ARHGEF9: variants seen among roughly 807,000 people sequenced by gnomAD.
ARHGEF9 encodes rho guanine nucleotide exchange factor 9.
In ARHGEF9, 2 loss-of-function variants were observed where a neutral mutation model predicts 41.3. That is an observed-to-expected ratio of 0.05 (90% CI 0.02 to 0.15). The LOEUF is 0.15. Ranked by LOEUF, ARHGEF9 falls within the 10% of genes least tolerant of loss-of-function variation. ARHGEF9 has a pLI of 1.00. For missense variants in ARHGEF9, 225 were observed against 424.7 expected (o/e 0.53, Z 4.13); for synonymous variants, 160 against 154.4 (o/e 1.04, Z -0.27).
chrX:63,650,097 C>A (rs1310160026), intron 8 of ARHGEF9, among the ~76,000 whole-genome samples: 1 of 110,794 alleles, frequency 9.0e-6, no homozygotes, highest in Non-Finnish European at 1.9e-5. Flanking sequence ...ATTAGTACAG[C>A]CATTATAGAA....
intron 1 of ARHGEF9, among the ~76,000 whole-genome samples, chrX:63,782,199 T>C (rs2056393190): frequency 1.8e-5 from 2 of 111,945 alleles, no homozygotes; most frequent in South Asian, 7.5e-4. Flanking sequence ...CCCCTGAACT[T>C]AGATCAGTGT....
intron 5 of ARHGEF9, among the ~76,000 whole-genome samples, chrX:63,676,723 T>C (rs1372201445): frequency 2.7e-5 from 3 of 112,176 alleles, no homozygotes; most frequent in African/African-American, 9.7e-5. Flanking sequence ...TTTGAGGAGA[T>C]CAGTGCTCTA....
At chrX:63,649,156 C>G (rs2048356199) in intron 8 of ARHGEF9, among the ~76,000 whole-genome samples, 1 of 111,912 alleles carries the variant, frequency 8.9e-6, no homozygotes, top group South Asian at 3.7e-4. Flanking sequence ...ACATTCTTCT[C>G]AGCACCACAC....
intron 5 of ARHGEF9, among the ~76,000 whole-genome samples, chrX:63,677,160 C>T (rs1556363231): frequency 8.9e-6 from 1 of 111,981 alleles, no homozygotes; most frequent in African/African-American, 3.2e-5. Context: ...CAGCCTAACC[C>T]TGGTCAAAGC....
At chrX:63,698,132 TAA>T (rs1556391002) in intron 3 of ARHGEF9, among the ~76,000 whole-genome samples, 1 of 106,291 alleles carries the variant, frequency 9.4e-6, no homozygotes, top group Non-Finnish European at 1.9e-5. Context: ...TATAAATTTA[TAA>T]ATATATCATA....
At position 63,706,441 on chromosome X, in the gene ARHGEF9, C is replaced by T. The variant is rs1556402227; in HGVS notation, c.219G>A (p.Val73=). Residue 73 remains valine, a synonymous_variant, in exon 3 of 10, where the codon GTG becomes GTA. Coordinates refer to ENST00000671741, the MANE Select transcript of ARHGEF9 (RefSeq NM_001353921.2). ...CCTCCTCCACCTCATCCTCCTGGTT[C>T]ACCCAGAGCTGTGGAAGCAGGCAAA... is the stretch of plus-strand genomic sequence containing the variant. The part of the protein sequence containing the change: ...WFPASFVRLW[V]NQEDEVEEGP... The T allele has an allele frequency of 1.7e-6, 2 of 1,206,141 alleles. No homozygotes were observed. The highest frequency in any genetic ancestry group is 1.7e-5 in the African/African-American group (1 of 57,548).
intron 1 of ARHGEF9, among the ~76,000 whole-genome samples, chrX:63,773,576 A>G (rs2056238980): frequency 8.9e-6 from 1 of 112,357 alleles, no homozygotes; most frequent in South Asian, 3.7e-4. Flanking sequence ...AGCAAGGGCT[A>G]TGTGATAGTT....
At chrX:63,645,733 G>A (rs2048001095) in intron 8 of ARHGEF9, among the ~76,000 whole-genome samples, 1 of 111,566 alleles carries the variant, frequency 9.0e-6, no homozygotes, top group Non-Finnish European at 1.9e-5. Context: ...TAACCCTTTG[G>A]GTATATACCC....
At chrX:63,739,893 C>A (rs1334784258) in intron 1 of ARHGEF9, among the ~76,000 whole-genome samples, 2 of 112,092 alleles carry the variant, frequency 1.8e-5, no homozygotes, top group East Asian at 2.8e-4. Context: ...ATTCCACAGA[C>A]CAGAAAACTG....
intron 1 of ARHGEF9, among the ~76,000 whole-genome samples, chrX:63,769,552 C>T (rs782101603): frequency 1.5e-4 from 17 of 112,166 alleles, no homozygotes; most frequent in Non-Finnish European, 1.9e-4. Flanking sequence ...GTCTCCAGGG[C>T]ATGTCAAAGG....
intron 2 of ARHGEF9, among the ~76,000 whole-genome samples, chrX:63,720,216 A>G (rs1373154895): frequency 1.2e-4 from 14 of 112,019 alleles, no homozygotes; most frequent in Admixed American, 3.8e-4. Flanking sequence ...AAAACCAGGA[A>G]AGTAGTATTG....
At chrX:63,688,200 G>T (rs1438643925) in intron 4 of ARHGEF9, among the ~76,000 whole-genome samples, 1 of 110,219 alleles carries the variant, frequency 9.1e-6, no homozygotes, top group Non-Finnish European at 1.9e-5. Context: ...AGGAGGGAGG[G>T]GGGCAACATA....
chrX:63,722,415 T>G (rs1324738812), intron 2 of ARHGEF9, among the ~76,000 whole-genome samples: 30 of 108,210 alleles, frequency 2.8e-4, no homozygotes, highest in South Asian at 4.2e-4. Context: ...TTTTTGTTTT[T>G]TTTTTTTTTT....
rs1407888781 is a variant in ARHGEF9 at position 63,637,844 on chromosome X, CTCTGTG to C, written c.*178_*183del. On this transcript the variant is annotated 3_prime_UTR_variant, in exon 10 of 10. Transcript: ENST00000671741. The stretch of plus-strand genomic sequence containing the variant: ...CAGAAAACACTTTTGTTCCTTATCT[CTCTGTG>C]TGTGTGTGTGTGTGTGTGTGTGTGT... 1.7e-5 allele frequency: 6 copies of C among 343,536 alleles called. No individual in the cohort carries two copies. The highest frequency in any genetic ancestry group is 1.6e-4 in the African/African-American group (4 of 24,729). The allele number at this position is 343,536 out of a possible 1,213,427, so 28.3% of individuals were successfully genotyped here.
intron 4 of ARHGEF9, among the ~76,000 whole-genome samples, chrX:63,684,499 C>T (rs1364875009): frequency 9.0e-6 from 1 of 110,891 alleles, no homozygotes; most frequent in African/African-American, 3.3e-5. Flanking sequence ...ATAGAATTAT[C>T]AAATTATCCA....
intron 9 of ARHGEF9, chrX:63,642,450 T>C (rs1321467439): frequency 8.9e-6 from 1 of 111,824 alleles, no homozygotes; most frequent in Non-Finnish European, 1.9e-5. Context: ...AACTTTTTGG[T>C]GGCTAATTAA....
At chrX:63,653,398 T>C (rs2048678896) in intron 8 of ARHGEF9, among the ~76,000 whole-genome samples, 1 of 111,592 alleles carries the variant, frequency 9.0e-6, no homozygotes, top group Non-Finnish European at 1.9e-5. Flanking sequence ...CTGAGCCACT[T>C]AGTCAACATT....
intron 1 of ARHGEF9, among the ~76,000 whole-genome samples, chrX:63,737,377 G>A (rs192787956): frequency 8.9e-6 from 1 of 112,308 alleles, no homozygotes; most frequent in East Asian, 2.8e-4. Flanking sequence ...GAAAGTTGAG[G>A]TCATCTTTGA....
At chrX:63,764,686 G>C (rs1556450896) in intron 1 of ARHGEF9, among the ~76,000 whole-genome samples, 1 of 111,921 alleles carries the variant, frequency 8.9e-6, no homozygotes, top group African/African-American at 3.3e-5. Context: ...GGATGGAGCT[G>C]GAAGCCATTA....
Sources: allele counts gnomAD v4.1 joint callset (sites outside exome capture counted in the v4.1 genomes callset), GRCh38; gene constraint gnomAD v4.1.1; transcripts MANE v1.5; gene names NCBI Gene and HGNC (gene_info 2026-07-23, HGNC 2026-07-21).